The following FTO variants were observed in gnomAD, a reference collection of about 807,000 sequenced individuals.
FTO encodes FTO alpha-ketoglutarate dependent dioxygenase.
A neutral mutation model predicts 63.9 loss-of-function variants in FTO; 47 were observed. The ratio of observed to expected loss-of-function variants is 0.74; its 90% CI spans 0.58 to 0.94. The LOEUF (loss-of-function observed/expected upper bound fraction) is 0.94. Ranked by LOEUF, FTO falls within the 40% of genes least tolerant of loss-of-function variation. The pLI is 0.00. For synonymous variants in FTO, 207 were observed against 224.4 expected (o/e 0.92, Z 0.69); for missense variants, 562 against 618.1 (o/e 0.91, Z 0.96).
chr16:54,110,501 C>T (rs552655388), intron 8 of FTO, among the ~76,000 whole-genome samples: 10 of 152,212 alleles, frequency 6.6e-5, no homozygotes, highest in African/African-American at 1.9e-4. Flanking sequence ...CATAGGATGC[C>T]GGTGTAGCAA....
chr16:53,854,221 G>A (rs2079905513), intron 4 of FTO, among the ~76,000 whole-genome samples: 1 of 151,876 alleles, frequency 6.6e-6, no homozygotes, highest in African/African-American at 2.4e-5. Flanking sequence ...TTCTTTGTCA[G>A]ATGCATAGCT....
At chr16:54,105,422 A>G (rs2086729232) in intron 8 of FTO, among the ~76,000 whole-genome samples, 1 of 152,244 alleles carries the variant, frequency 6.6e-6, no homozygotes, top group Non-Finnish European at 1.5e-5. Flanking sequence ...ATGGAAATCC[A>G]TGAAAAAGAT....
At chr16:54,109,640 G>A (rs1222786910) in intron 8 of FTO, among the ~76,000 whole-genome samples, 1 of 152,200 alleles carries the variant, frequency 6.6e-6, no homozygotes, top group Non-Finnish European at 1.5e-5. Flanking sequence ...GCCCCAGCCA[G>A]TCCTTTGATG....
chr16:53,970,102 G>A (rs759397932), intron 8 of FTO, among the ~76,000 whole-genome samples: 2 of 152,226 alleles, frequency 1.3e-5, no homozygotes, highest in Non-Finnish European at 2.9e-5. Context: ...GTTGCATGGT[G>A]AGGAGAGTAG....
At position 53,748,745 on chromosome 16, in the gene FTO, G is replaced by A. The variant is rs150594208; in HGVS notation, c.45+44516G>A. ...AGGTGTGAGCCACTGTGCCTGGCCTGTAGCTATTTTATTTTATTATTTTAT... is the reference window on the plus strand; with the variant it reads ...AGGTGTGAGCCACTGTGCCTGGCCTATAGCTATTTTATTTTATTATTTTAT... On this transcript the variant is annotated intron_variant, in intron 1 of 8. Transcript: ENST00000471389. 7.1e-3 allele frequency among the ~76,000 whole-genome samples: 1,080 copies of A among 151,674 alleles called. 9 individuals carry two copies. Among genetic ancestry groups the A allele is most frequent in the Non-Finnish European group, 0.011 (760 of 67,880 alleles).
intron 4 of FTO, among the ~76,000 whole-genome samples, chr16:53,870,364 G>A (rs903148676): frequency 5.3e-5 from 8 of 152,160 alleles, no homozygotes; most frequent in Non-Finnish European, 1.2e-4. Flanking sequence ...CTAAGATGGA[G>A]CTCCCCTGGA....
At chr16:53,875,817 G>C (rs544167813) in intron 5 of FTO, among the ~76,000 whole-genome samples, 24 of 152,174 alleles carry the variant, frequency 1.6e-4, no homozygotes, top group Non-Finnish European at 3.4e-4. Flanking sequence ...TAAAGAGTAT[G>C]TACAGTGCAG....
chr16:53,735,492 T>C (rs944864539), intron 1 of FTO, among the ~76,000 whole-genome samples: 2 of 152,194 alleles, frequency 1.3e-5, no homozygotes, highest in Non-Finnish European at 2.9e-5. Context: ...ACATCCTCGC[T>C]GACTCCAGAG....
intron 7 of FTO, among the ~76,000 whole-genome samples, chr16:53,916,257 G>A (rs2081860630): frequency 6.6e-6 from 1 of 152,136 alleles, no homozygotes; most frequent in South Asian, 2.1e-4. Context: ...ATGAGTTAAG[G>A]GGCAAAGGCG....
At chr16:53,987,952 G>C (rs1349752537) in intron 8 of FTO, among the ~76,000 whole-genome samples, 1 of 152,150 alleles carries the variant, frequency 6.6e-6, no homozygotes, top group Admixed American at 6.5e-5. Context: ...TAAGCAGTAA[G>C]CCCCCCAGAT....
intron 8 of FTO, among the ~76,000 whole-genome samples, chr16:53,983,341 C>T (rs1243081817): frequency 6.6e-6 from 1 of 151,864 alleles, no homozygotes; most frequent in Non-Finnish European, 1.5e-5. Flanking sequence ...GCAACAGACC[C>T]CTAGGGTATT....
chr16:54,021,289 A>G (rs1209690097), intron 8 of FTO, among the ~76,000 whole-genome samples: 1 of 152,140 alleles, frequency 6.6e-6, no homozygotes, highest in East Asian at 1.9e-4. Flanking sequence ...ATGCAACATA[A>G]TTTCCCCCTG....
At chr16:54,049,129 A>G (rs996222860) in intron 8 of FTO, among the ~76,000 whole-genome samples, 29 of 152,308 alleles carry the variant, frequency 1.9e-4, no homozygotes, top group Middle Eastern at 3.4e-3. Context: ...AGATAAAGAA[A>G]CCAGATGCCA....
intron 8 of FTO, chr16:54,039,372 G>A (rs2085019407): frequency 6.6e-6 from 1 of 152,204 alleles, no homozygotes; most frequent in Admixed American, 6.5e-5. Flanking sequence ...GGAAGAAGGA[G>A]GCCAAGATAC....
intron 2 of FTO, among the ~76,000 whole-genome samples, chr16:53,814,229 T>C (rs2078611205): frequency 6.6e-6 from 1 of 152,204 alleles, no homozygotes; most frequent in Non-Finnish European, 1.5e-5. Flanking sequence ...AGAGAACTTC[T>C]GTTAGCTCAT....
intron 1 of FTO, among the ~76,000 whole-genome samples, chr16:53,738,368 C>T (rs567892841): frequency 1.3e-5 from 2 of 152,234 alleles, no homozygotes; most frequent in Non-Finnish European, 2.9e-5. Flanking sequence ...TCTTGAACTC[C>T]TGGTGTCAGG....
At chr16:53,741,418 A>G (rs949275385) in intron 1 of FTO, among the ~76,000 whole-genome samples, 1 of 152,158 alleles carries the variant, frequency 6.6e-6, no homozygotes, top group Admixed American at 6.6e-5. Flanking sequence ...TGTTTATTCC[A>G]TTGGATTATA....
intron 3 of FTO, among the ~76,000 whole-genome samples, chr16:53,831,388 T>G (rs775083197): frequency 6.6e-6 from 1 of 152,082 alleles, no homozygotes; most frequent in African/African-American, 2.4e-5. Context: ...GGGGTGACCA[T>G]CCAGTTATTT....
chr16:53,906,400 G>A (rs1339604804), intron 7 of FTO, among the ~76,000 whole-genome samples: 2 of 152,212 alleles, frequency 1.3e-5, no homozygotes, highest in African/African-American at 4.8e-5. Context: ...GAACAGATTA[G>A]CGAATGAACA....
Sources: allele counts gnomAD v4.1 joint callset (sites outside exome capture counted in the v4.1 genomes callset), GRCh38; gene constraint gnomAD v4.1.1; transcripts MANE v1.5; gene names NCBI Gene and HGNC (gene_info 2026-07-23, HGNC 2026-07-21).